The following CNTNAP3 variants were observed in gnomAD, a reference collection of about 807,000 sequenced individuals.
CNTNAP3 encodes contactin associated protein family member 3.
CNTNAP3 carries 36 observed loss-of-function variants against 92.1 expected under a neutral mutation model. The ratio of observed to expected loss-of-function variants is 0.39; its 90% CI spans 0.30 to 0.52. The LOEUF is 0.52. Among genes scored for constraint, CNTNAP3 ranks in the 20% least tolerant of loss-of-function variants. CNTNAP3 has a pLI of 0.76. For missense variants in CNTNAP3, 534 were observed against 1,069.6 expected, an observed-to-expected ratio of 0.50 and a Z score of 6.98; for synonymous variants, 232 against 422.3, an observed-to-expected ratio of 0.55 and a Z score of 5.53.
chr9:39,118,433 C>T (rs1820914158), intron 13 of CNTNAP3, among the ~76,000 whole-genome samples, 174 bp from the exon 14 acceptor site: 1 of 152,110 alleles, frequency 6.6e-6, no homozygotes, highest in South Asian at 2.1e-4. Flanking sequence ...TTAAGCCTAA[C>T]CAATGTTTTT....
intron 12 of CNTNAP3, among the ~76,000 whole-genome samples, chr9:39,134,477 T>G (rs1338217799): frequency 6.6e-6 from 1 of 151,854 alleles, no homozygotes; most frequent in African/African-American, 2.4e-5. Flanking sequence ...CAGGCTGGAG[T>G]GCAGTGGCGC....
intron 12 of CNTNAP3, chr9:39,139,648 G>T (rs1821523653): frequency 6.6e-6 from 1 of 151,986 alleles, no homozygotes; most frequent in African/African-American, 2.4e-5. Flanking sequence ...GCAGAGAGTT[G>T]GAAGAGCTAG....
chr9:39,088,791 T>C lies in CNTNAP3; in HGVS notation c.2996-144A>G, dbSNP rs2118430494. 3 of 929,308 alleles carry C rather than the reference T, an allele frequency of 3.2e-6. No individual in the cohort carries two copies. In the East Asian group the frequency reaches 7.9e-5, roughly 24 times the overall value. 57.6% of individuals were successfully genotyped at this position (929,308 alleles called of 1,614,324 possible). On this transcript the variant is annotated intron_variant, in intron 18 of 23. Coordinates refer to ENST00000297668, the MANE Select transcript of CNTNAP3 (RefSeq NM_033655.5). ...AAATCCTTTCCTGTTTTTTTATTTT[T>C]CACTTTTTAAAGTTTTTTAAAAACT...
chr9:39,149,516 A>ATTTT (rs767987099), intron 10 of CNTNAP3, among the ~76,000 whole-genome samples: 1 of 144,178 alleles, frequency 6.9e-6, no homozygotes, highest in African/African-American at 2.6e-5. Context: ...CGCCTGGCTA[A>ATTTT]TTTTTTTTTT....
At chr9:39,128,310 T>C (rs576448623) in intron 13 of CNTNAP3, among the ~76,000 whole-genome samples, 68 of 152,158 alleles carry the variant, frequency 4.5e-4, no homozygotes, top group Non-Finnish European at 8.2e-4. Context: ...TACATATCAA[T>C]ATCTCTTATG....
intron 20 of CNTNAP3, 98 bp downstream of exon 20, chr9:39,086,618 G>T (rs1158065006): frequency 1.8e-5 from 24 of 1,364,614 alleles, no homozygotes; most frequent in Non-Finnish European, 2.3e-5. Flanking sequence ...GCACTGAATG[G>T]GTTGCTCTTC....
intron 14 of CNTNAP3, among the ~76,000 whole-genome samples, chr9:39,114,637 A>G (rs1820811507): frequency 6.6e-6 from 1 of 152,178 alleles, no homozygotes; most frequent in South Asian, 2.1e-4. Context: ...GCTTCTTTAA[A>G]AATCCAATAT....
Position 39,099,895 on chromosome 9 carries a change from C to T in CNTNAP3, c.2995+16G>A, listed in dbSNP as rs763516549. 3.7e-6 allele frequency: 6 copies of T among 1,609,784 alleles called. No individual in the cohort carries two copies. The highest frequency in any genetic ancestry group is 5.1e-6 in the Non-Finnish European group (6 of 1,178,682). On this transcript the variant is annotated intron_variant, in intron 18 of 23. Coordinates refer to ENST00000297668, the MANE Select transcript of CNTNAP3 (RefSeq NM_033655.5). ...TCATGTACTTTCCCTATAACCTGCT[C>T]CTTGGTCACACTTACCATTGGAGCA...
At position 39,068,500 on chromosome 9, in the gene CNTNAP3, CT is replaced by C. The variant is rs1825561820; in HGVS notation, c.*5389del. On this transcript the variant is annotated 3_prime_UTR_variant, in exon 24 of 24. Coordinates refer to ENST00000297668, the MANE Select transcript of CNTNAP3 (RefSeq NM_033655.5). ...CTAGAAAAGATGTTTAAAAAGATTCCTTGAGGTCAATAATAATTTTTTAAAG... is the reference window on the plus strand; with the variant it reads ...CTAGAAAAGATGTTTAAAAAGATTCCTGAGGTCAATAATAATTTTTTAAAG... Among the ~76,000 whole-genome samples the C allele has an allele frequency of 6.6e-6, 1 of 152,308 alleles. No individual in the cohort carries two copies. Among genetic ancestry groups the C allele is most frequent in the Non-Finnish European group, 1.5e-5 (1 of 68,058 alleles).
intron 12 of CNTNAP3, 150 bp downstream of exon 12, chr9:39,140,368 AT>A: frequency 7.7e-7 from 1 of 1,301,434 alleles, no homozygotes; most frequent in Non-Finnish European, 1.0e-6. Context: ...ATACAAGAAA[AT>A]TTTGTTGACA....
intron 13 of CNTNAP3, among the ~76,000 whole-genome samples, chr9:39,128,071 T>G (rs1418182974): frequency 6.6e-6 from 1 of 152,152 alleles, no homozygotes; most frequent in African/African-American, 2.4e-5. Flanking sequence ...ACTCCTGACC[T>G]CAAATGATCC....
At chr9:39,092,963 T>A (rs1021136606) in intron 18 of CNTNAP3, among the ~76,000 whole-genome samples, 1 of 144,524 alleles carries the variant, frequency 6.9e-6, no homozygotes, top group Non-Finnish European at 1.5e-5. Context: ...TTATAAAAGT[T>A]TCCCTGTTTC....
At chr9:39,106,439 C>G (rs1826608165) in intron 15 of CNTNAP3, 1 of 152,110 alleles carries the variant, frequency 6.6e-6, no homozygotes, top group Non-Finnish European at 1.5e-5. Flanking sequence ...TACAGGCCAC[C>G]ATGCCCAGCT....
At chr9:39,142,650 C>T (rs139662305) in intron 11 of CNTNAP3, among the ~76,000 whole-genome samples, 1,799 of 145,618 alleles carry the variant, frequency 0.012, 31 homozygotes, top group African/African-American at 0.043. Flanking sequence ...CCAGCCTGGG[C>T]GACAGAGCAA....
At chr9:39,102,347 C>T in intron 17 of CNTNAP3, 150 bp downstream of exon 17, 3 of 1,305,244 alleles carry the variant, frequency 2.3e-6, no homozygotes, top group Non-Finnish European at 3.2e-6. Context: ...ACACAGCAAG[C>T]TCCTGGAACC....
chr9:39,107,645 T>A (rs1378377417), intron 15 of CNTNAP3, among the ~76,000 whole-genome samples: 2 of 152,040 alleles, frequency 1.3e-5, no homozygotes, highest in Admixed American at 1.3e-4. Context: ...ACACAGCTGA[T>A]AACAAATTAC....
chr9:39,083,772 A>T (rs1389539216), intron 21 of CNTNAP3, among the ~76,000 whole-genome samples: 6 of 152,182 alleles, frequency 3.9e-5, no homozygotes, highest in Non-Finnish European at 8.8e-5. Context: ...TCTTTACTGA[A>T]TTATAAAGTA....
chr9:39,157,765 A>G (rs183364232), intron 9 of CNTNAP3, among the ~76,000 whole-genome samples: 83 of 19,614 alleles, frequency 4.2e-3, no homozygotes, highest in African/African-American at 0.016. Flanking sequence ...ATTGATTAGC[A>G]AATGTATCTT....
intron 10 of CNTNAP3, among the ~76,000 whole-genome samples, chr9:39,148,688 G>C (rs1373700268): frequency 6.6e-6 from 1 of 152,074 alleles, no homozygotes; most frequent in African/African-American, 2.4e-5. Context: ...ACCATGCCTG[G>C]CTAATTTTTT....
Sources: allele counts gnomAD v4.1 joint callset (sites outside exome capture counted in the v4.1 genomes callset), GRCh38; gene constraint gnomAD v4.1.1; transcripts MANE v1.5; gene names NCBI Gene and HGNC (gene_info 2026-07-23, HGNC 2026-07-21).